Variants in PTPRD observed in about 807,000 individuals in gnomAD.
PTPRD encodes the protein receptor-type tyrosine-protein phosphatase delta.
Under a neutral mutation model 214.5 loss-of-function variants are expected in PTPRD, and 34 were observed. The observed-to-expected ratio is 0.16, with a 90% CI of 0.12 to 0.21. PTPRD has a LOEUF of 0.21. PTPRD is among the 10% of genes least tolerant of loss of function. The probability of loss-of-function intolerance (pLI) is 1.00; values close to 1 mark genes in which losing one functional copy is unlikely to be tolerated. For synonymous variants in PTPRD, 1,128 were observed against 845.7 expected (o/e 1.33, Z -5.79); for missense variants, 2,545 against 2,398.7 (o/e 1.06, Z -1.27).
intron 3 of PTPRD, among the ~76,000 whole-genome samples, chr9:10,217,880 T>C (rs964464678): frequency 5.9e-5 from 9 of 151,904 alleles, no homozygotes; most frequent in African/African-American, 1.9e-4. Context: ...AGATGCTCCA[T>C]TGGCCCTTAG....
At chr9:10,611,053 G>A (rs146551553) in intron 2 of PTPRD, among the ~76,000 whole-genome samples, 37 of 152,136 alleles carry the variant, frequency 2.4e-4, no homozygotes, top group African/African-American at 8.2e-4. Context: ...TTAATAATAA[G>A]CTGCTTTATT....
intron 12 of PTPRD, among the ~76,000 whole-genome samples, chr9:8,667,175 C>T (rs951679241): frequency 8.6e-5 from 13 of 151,980 alleles, no homozygotes; most frequent in Non-Finnish European, 1.3e-4. Flanking sequence ...CCCATCTCTA[C>T]TAAAAATACA....
At chr9:9,417,459 G>T (rs1341734878) in intron 8 of PTPRD, among the ~76,000 whole-genome samples, 1 of 152,024 alleles carries the variant, frequency 6.6e-6, no homozygotes, top group Non-Finnish European at 1.5e-5. Context: ...AAAACATTTG[G>T]AACAGCTGCA....
intron 36 of PTPRD, among the ~76,000 whole-genome samples, chr9:8,390,043 T>C (rs1025436756): frequency 6.6e-6 from 1 of 152,172 alleles, no homozygotes. Context: ...CTGTAAAGTA[T>C]TGCTTCTCAT....
chr9:9,856,615 T>TAA lies in PTPRD; in HGVS notation c.-368+81890_-368+81891dup, dbSNP rs5896354. Among the ~76,000 whole-genome samples, 187 of 149,236 alleles carry TAA rather than the reference T, an allele frequency of 1.3e-3. 1 individual carries two copies. The highest frequency in any genetic ancestry group is 1.5e-3 in the South Asian group (7 of 4,720). On this transcript the variant is annotated intron_variant, in intron 5 of 45. Transcript: ENST00000381196. The stretch of plus-strand genomic sequence containing the variant: ...AGCAATCAGAGAGGAAATGAATTGT[T>TAA]AAAAAAAAAGAAGAAAATTTACCAA...
chr9:8,379,730 T>G (rs371373107), intron 37 of PTPRD, among the ~76,000 whole-genome samples: 1 of 152,256 alleles, frequency 6.6e-6, no homozygotes, highest in South Asian at 2.1e-4. Flanking sequence ...AGATGAGAAA[T>G]GAAGGCAGCT....
rs182561209 is a variant in PTPRD, at chr9:10,084,008, T to G, written c.-544-50218A>C. On this transcript the variant is annotated intron_variant, in intron 3 of 45. Coordinates refer to ENST00000381196, the MANE Select transcript of PTPRD (RefSeq NM_002839.4). Reference sequence around the variant, plus strand: ...CATACTTGGTCACTTAATGACCATGTGACTTTAGATAGATCATTTAAACTT... The same window carrying G: ...CATACTTGGTCACTTAATGACCATGGGACTTTAGATAGATCATTTAAACTT... Among the ~76,000 whole-genome samples the G allele has an allele frequency of 5.9e-5, 9 of 152,112 alleles. No individual in the cohort carries two copies. The East Asian group carries it at 1.8e-3, about 30-fold the overall frequency.
chr9:8,790,109 T>A (rs1255591602), intron 11 of PTPRD, among the ~76,000 whole-genome samples: 2 of 152,100 alleles, frequency 1.3e-5, no homozygotes, highest in Non-Finnish European at 2.9e-5. Context: ...CTCAAACTCT[T>A]GGGCTCAAGC....
At chr9:9,275,819 CTGTGTGTGTGTGTATG>C (rs1945389090) in intron 9 of PTPRD, among the ~76,000 whole-genome samples, 2 of 147,326 alleles carry the variant, frequency 1.4e-5, no homozygotes, top group Non-Finnish European at 3.0e-5. Context: ...AGCGAAACAG[CTGTGTGTGTGTGTATG>C]TGTGTGTGTG....
chr9:8,790,788 G>C (rs2096199806), intron 11 of PTPRD, among the ~76,000 whole-genome samples: 1 of 149,256 alleles, frequency 6.7e-6, no homozygotes, highest in African/African-American at 2.4e-5. Context: ...AGGGGGTAGT[G>C]ACAAAACAGA....
intron 22 of PTPRD, among the ~76,000 whole-genome samples, chr9:8,506,928 C>G (rs2137457122): frequency 6.6e-6 from 1 of 152,280 alleles, no homozygotes; most frequent in South Asian, 2.1e-4. Context: ...ATTTAGTCAC[C>G]TGTCCCCACA....
chr9:10,190,607 G>A (rs1323176844), intron 3 of PTPRD, among the ~76,000 whole-genome samples: 2 of 148,754 alleles, frequency 1.3e-5, no homozygotes, highest in South Asian at 2.1e-4. Flanking sequence ...AATTCCAACT[G>A]CTCGGGAGGC....
At chr9:9,480,074 A>T (rs893864539) in intron 8 of PTPRD, among the ~76,000 whole-genome samples, 1 of 152,172 alleles carries the variant, frequency 6.6e-6, no homozygotes, top group Admixed American at 6.6e-5. Context: ...GAATGTTGCT[A>T]TCAAAAATGC....
At position 8,492,394 on chromosome 9, in the gene PTPRD, G is replaced by A. The variant is rs150004754; in HGVS notation, c.2467+468C>T. ...GACTTAAATAATCCTTCCTCTACCA[G>A]AACTTCTCAGCCCCTAGAGGCTGCC... On this transcript the variant is annotated intron_variant, in intron 27 of 45. Coordinates refer to ENST00000381196, the MANE Select transcript of PTPRD (RefSeq NM_002839.4). Among the ~76,000 whole-genome samples, 495 of 152,152 alleles carry A rather than the reference G, an allele frequency of 3.3e-3. 1 individual carries two copies. Among genetic ancestry groups the A allele is most frequent in the African/African-American group, 0.011 (466 of 41,508 alleles).
chr9:10,286,496 C>G (rs1363346670), intron 3 of PTPRD, among the ~76,000 whole-genome samples: 1 of 152,044 alleles, frequency 6.6e-6, no homozygotes, highest in African/African-American at 2.4e-5. Context: ...ATCTCTGATG[C>G]AAAAGGTTCT....
At chr9:9,554,819 G>A (rs116389695) in intron 8 of PTPRD, among the ~76,000 whole-genome samples, 359 of 152,116 alleles carry the variant, frequency 2.4e-3, no homozygotes, top group African/African-American at 8.2e-3. Flanking sequence ...TAATGTCAAG[G>A]TATAATCATA....
intron 10 of PTPRD, among the ~76,000 whole-genome samples, chr9:9,177,410 T>G (rs1380506760): frequency 6.6e-6 from 1 of 152,114 alleles, no homozygotes; most frequent in East Asian, 1.9e-4. Flanking sequence ...CCCTAATTGT[T>G]TTTTAGCTTC....
In PTPRD at chr9:10,369,714, C is replaced by G. The variant is rs555630793; in HGVS notation, c.-599-28697G>C. Among the ~76,000 whole-genome samples, 5 of 152,152 alleles carry G rather than the reference C, an allele frequency of 3.3e-5. No individual in the cohort carries two copies. In the East Asian group the frequency reaches 9.7e-4, roughly 29 times the overall value. On this transcript the variant is annotated intron_variant, in intron 2 of 45. Coordinates refer to ENST00000381196, the MANE Select transcript of PTPRD (RefSeq NM_002839.4). ...TCTATACACTGAATATTTCACCAGA[C>G]TGACGGCTTCTGGATCAGACAGTAA...
chr9:8,643,949 G>A (rs531409833), intron 12 of PTPRD, among the ~76,000 whole-genome samples: 66 of 152,310 alleles, frequency 4.3e-4, no homozygotes, highest in African/African-American at 1.5e-3. Flanking sequence ...GTGCTGGGCT[G>A]TCAGCCCCAC....
Sources: gnomAD v4.1 joint callset for allele counts (sites outside exome capture counted in the v4.1 genomes callset) on GRCh38, gnomAD v4.1.1 for gene constraint, MANE v1.5 for transcripts, NCBI Gene and HGNC (gene_info 2026-07-23, HGNC 2026-07-21) for gene names.